Variants in PCDHGB2 observed in about 807,000 individuals in gnomAD.
The protein encoded by PCDHGB2 is protocadherin gamma subfamily B, 2.
Under a neutral mutation model 59.3 loss-of-function variants are expected in PCDHGB2, and 55 were observed. The ratio of observed to expected loss-of-function variants is 0.93; its 90% CI spans 0.75 to 1.16. The LOEUF is 1.16. Among genes scored for constraint, PCDHGB2 ranks in the 50% most tolerant of loss-of-function variants. The probability of loss-of-function intolerance (pLI) is 0.00; values close to 1 mark genes in which losing one functional copy is unlikely to be tolerated. For synonymous variants in PCDHGB2, 516 were observed against 512.0 expected (o/e 1.01, Z -0.11); for missense variants, 1,228 against 1,198.5 (o/e 1.02, Z -0.36).
intron 2 of PCDHGB2, among the ~76,000 whole-genome samples, chr5:141,496,468 C>T (rs1410143575): frequency 2.0e-5 from 3 of 152,126 alleles, no homozygotes; most frequent in Non-Finnish European, 4.4e-5. Context: ...AGTTATCTTT[C>T]CCCCATCCTG....
intron 2 of PCDHGB2, among the ~76,000 whole-genome samples, chr5:141,500,614 C>T (rs1300242596): frequency 1.3e-5 from 2 of 152,204 alleles, no homozygotes; most frequent in African/African-American, 4.8e-5. Context: ...TATTCCCAGT[C>T]ATACGGTACA....
Position 141,491,905 on chromosome 5 carries a change from G to A in PCDHGB2, c.2422-2902G>A. 7.1e-7 allele frequency: 1 copy of A among 1,418,328 alleles called. No individual in the cohort carries two copies. Among genetic ancestry groups the A allele is most frequent in the Non-Finnish European group, 9.3e-7 (1 of 1,069,952 alleles). 87.9% of individuals were successfully genotyped at this position (1,418,328 alleles called of 1,614,324 possible). ...GATGGGGCTCCGAGCACCGGGGGTG[G>A]TGGCGACTGTGGGCGAGGGGAGGTG... On this transcript the variant is annotated intron_variant, in intron 1 of 3. Transcript: ENST00000522605. This position sits in a 1 kb window ranked among gnomAD's most constrained non-coding sequence, Gnocchi z 6.9.
At chr5:141,363,452 C>G (rs1031596870) in intron 1 of PCDHGB2, among the ~76,000 whole-genome samples, 2 of 152,196 alleles carry the variant, frequency 1.3e-5, no homozygotes, top group Non-Finnish European at 2.9e-5. Context: ...CAGTACTTCT[C>G]GACAAGTATC....
intron 1 of PCDHGB2, chr5:141,423,755 G>T (rs1236551808): frequency 9.8e-6 from 5 of 512,508 alleles, no homozygotes; most frequent in Non-Finnish European, 1.3e-5. Flanking sequence ...CTGTTTGGGG[G>T]GGGGGTGGGG....
intron 1 of PCDHGB2, chr5:141,379,705 C>T (rs1775757725): frequency 6.6e-6 from 1 of 152,118 alleles, no homozygotes; most frequent in South Asian, 2.1e-4. Context: ...GTTAAACATC[C>T]TGGCAGTCAT....
In PCDHGB2 at chr5:141,432,845, G is replaced by A. The variant is rs1299464282; in HGVS notation, c.2422-61962G>A. The A allele has an allele frequency of 1.2e-6, 2 of 1,614,076 alleles. No individual in the cohort carries two copies. The highest frequency in any genetic ancestry group is 8.5e-7 in the Non-Finnish European group (1 of 1,180,024). ...AGACCTCACTCTGTACCTGGTGGTA[G>A]CGGTGGCCGCGGTCTCCTGCGTCTT... On this transcript the variant is annotated intron_variant, in intron 1 of 3. Coordinates refer to ENST00000522605, the MANE Select transcript of PCDHGB2 (RefSeq NM_018923.3). This position sits in a 1 kb window ranked among gnomAD's most constrained non-coding sequence, Gnocchi z 6.0.
At chr5:141,478,683 C>G (rs1355955377) in intron 1 of PCDHGB2, 14 of 1,551,164 alleles carry the variant, frequency 9.0e-6, no homozygotes, top group African/African-American at 1.4e-5. Flanking sequence ...CTGGCCCTTC[C>G]TAGATCAAAG....
At chr5:141,450,835 T>TATTA (rs1438371595) in intron 1 of PCDHGB2, among the ~76,000 whole-genome samples, 1 of 142,096 alleles carries the variant, frequency 7.0e-6, no homozygotes, top group Admixed American at 6.9e-5. Context: ...TATTATTTTT[T>TATTA]TTTTTTTGAG....
chr5:141,494,676 C>G, intron 1 of PCDHGB2, 131 bp from the exon 2 acceptor site: 1 of 1,550,918 alleles, frequency 6.4e-7, no homozygotes, highest in African/African-American at 1.4e-5. Context: ...GAGTCCACCC[C>G]TGCCCCCTCT....
intron 1 of PCDHGB2, chr5:141,393,282 G>A (rs2150516370): frequency 1.2e-6 from 2 of 1,613,980 alleles, no homozygotes; most frequent in Non-Finnish European, 1.7e-6. Context: ...ACTCCCAGAA[G>A]CTGTTGACCC....
At chr5:141,413,080 A>G (rs2095603656) in intron 1 of PCDHGB2, 3 of 1,298,546 alleles carry the variant, frequency 2.3e-6, no homozygotes, top group Non-Finnish European at 3.2e-6. Context: ...TGCCCAGGCT[A>G]CAGAGACACC....
At chr5:141,411,341 G>A (rs903980826) in intron 1 of PCDHGB2, 4 of 152,064 alleles carry the variant, frequency 2.6e-5, no homozygotes, top group Admixed American at 6.5e-5. Context: ...AGGCTGAATC[G>A]GAAAGTATCA....
chr5:141,389,389 A>G, intron 1 of PCDHGB2: 1 of 1,613,668 alleles, frequency 6.2e-7, no homozygotes, highest in Non-Finnish European at 8.5e-7. Context: ...CTGTCATCCT[A>G]CGTGTCCATA....
At chr5:141,450,627 C>G (rs947866993) in intron 1 of PCDHGB2, among the ~76,000 whole-genome samples, 1 of 151,592 alleles carries the variant, frequency 6.6e-6, no homozygotes, top group African/African-American at 2.4e-5. Context: ...GCTGGGATTA[C>G]AGATGCCTGC....
chr5:141,489,459 C>T lies in PCDHGB2; in HGVS notation c.2422-5348C>T. The T allele has an allele frequency of 6.2e-7, 1 of 1,614,086 alleles. No homozygotes were observed. The highest frequency in any genetic ancestry group is 8.5e-7 in the Non-Finnish European group (1 of 1,180,012). On this transcript the variant is annotated intron_variant, in intron 1 of 3. Coordinates refer to ENST00000522605, the MANE Select transcript of PCDHGB2 (RefSeq NM_018923.3). The surrounding 1 kb of genome is among the most constrained non-coding windows in gnomAD (Gnocchi z 4.5). The stretch of plus-strand genomic sequence containing the variant: ...AATTGGGCTCTGAGGAGAATGGGCG[C>T]TATTTTTCCCTGAGCTTGATGAGTG...
chr5:141,409,102 G>T, intron 1 of PCDHGB2: 2 of 1,613,996 alleles, frequency 1.2e-6, no homozygotes, highest in Non-Finnish European at 8.5e-7. Flanking sequence ...AAACAGGTAT[G>T]ATTAAGAATA....
At chr5:141,380,058 C>T (rs1231461261) in intron 1 of PCDHGB2, among the ~76,000 whole-genome samples, 2 of 151,888 alleles carry the variant, frequency 1.3e-5, no homozygotes, top group Admixed American at 1.3e-4. Context: ...TGCCACCATG[C>T]CTAGCTAATT....
chr5:141,415,740 GTTTTTTTTTTTT>G lies in PCDHGB2; in HGVS notation c.2421+53205_2421+53216del, dbSNP rs57426385. ...TGAGTAGAATTTGATGTTTATTAAGGTTTTTTTTTTTTTTTTTTTTTTTTTTTTTTTTACTTT... is the reference window on the plus strand; with the variant it reads ...TGAGTAGAATTTGATGTTTATTAAGGTTTTTTTTTTTTTTTTTTTTACTTT... On this transcript the variant is annotated intron_variant, in intron 1 of 3. Transcript: ENST00000522605. The G allele has an allele frequency of 5.3e-4, 329 of 624,896 alleles. 2 individuals are homozygous for G. Among genetic ancestry groups the G allele is most frequent in the African/African-American group, 1.2e-3 (49 of 39,888 alleles). The allele number at this position is 624,896 out of a possible 1,614,324, so 38.7% of individuals were successfully genotyped here.
chr5:141,371,262 C>T (rs368232567), intron 1 of PCDHGB2: 3 of 1,613,880 alleles, frequency 1.9e-6, no homozygotes, highest in Non-Finnish European at 2.5e-6. Flanking sequence ...GGAAGTGAGA[C>T]AACTGTTCAA....
Sources: gnomAD v4.1 joint callset for allele counts (sites outside exome capture counted in the v4.1 genomes callset) on GRCh38, gnomAD v4.1.1 for gene constraint, Gnocchi (gnomAD v3.1) non-coding constraint, MANE v1.5 for transcripts, NCBI Gene and HGNC (gene_info 2026-07-23, HGNC 2026-07-21) for gene names.